Variants in KAZN observed in about 807,000 individuals in gnomAD.
KAZN encodes kazrin.
Under a neutral mutation model 87.4 loss-of-function variants are expected in KAZN, and 40 were observed. That is an observed-to-expected ratio of 0.46 (90% CI 0.36 to 0.60). KAZN has a LOEUF of 0.60. KAZN is among the 20% of genes least tolerant of loss of function. KAZN has a pLI of 0.00. For missense variants in KAZN, 898 were observed against 1,073.9 expected, an observed-to-expected ratio of 0.84 and a Z score of 2.29; for synonymous variants, 466 against 458.3, an observed-to-expected ratio of 1.02 and a Z score of -0.22.
intron 2 of KAZN, among the ~76,000 whole-genome samples, chr1:14,409,056 G>A (rs970689353): frequency 6.6e-6 from 1 of 152,180 alleles, no homozygotes; most frequent in Admixed American, 6.6e-5. Context: ...ATTCAAGAAA[G>A]ATAATGGTGT....
chr1:14,747,630 T>C (rs910302248), intron 1 of KAZN, among the ~76,000 whole-genome samples: 2 of 152,254 alleles, frequency 1.3e-5, no homozygotes, highest in African/African-American at 4.8e-5. Context: ...TTGCGTAGTT[T>C]CCACCTTTTG....
intron 1 of KAZN, among the ~76,000 whole-genome samples, chr1:14,788,280 A>G (rs573182931): frequency 4.6e-5 from 7 of 152,200 alleles, no homozygotes; most frequent in Non-Finnish European, 7.3e-5. Context: ...TCATTCGCTC[A>G]TCAAATTTCT....
At chr1:14,970,668 G>A (rs963525882) in intron 2 of KAZN, among the ~76,000 whole-genome samples, 4 of 152,106 alleles carry the variant, frequency 2.6e-5, no homozygotes, top group Non-Finnish European at 5.9e-5. Flanking sequence ...TGCCCTTTCC[G>A]GCGTCTGCTT....
intron 2 of KAZN, among the ~76,000 whole-genome samples, chr1:14,391,231 G>A (rs552264161): frequency 6.6e-6 from 1 of 152,278 alleles, no homozygotes; most frequent in Non-Finnish European, 1.5e-5. Flanking sequence ...TCCTCATTCT[G>A]CTGCTTCTTG....
intron 2 of KAZN, among the ~76,000 whole-genome samples, chr1:14,402,815 C>T (rs562440416): frequency 6.6e-6 from 1 of 151,966 alleles, no homozygotes; most frequent in African/African-American, 2.4e-5. Flanking sequence ...TCTCACAGAC[C>T]CAAATGGATA....
chr1:14,915,702 A>G (rs1302593040), intron 1 of KAZN, among the ~76,000 whole-genome samples: 1 of 152,226 alleles, frequency 6.6e-6, no homozygotes, highest in Non-Finnish European at 1.5e-5. Context: ...ATACCCCTCA[A>G]TTCTGACAGA....
At chr1:14,352,803 T>C (rs1427398966) in intron 2 of KAZN, among the ~76,000 whole-genome samples, 14 of 152,114 alleles carry the variant, frequency 9.2e-5, no homozygotes, top group Admixed American at 6.5e-5. Flanking sequence ...TACCAACATA[T>C]TAAAAAGGAT....
intron 1 of KAZN, among the ~76,000 whole-genome samples, chr1:14,802,208 C>A (rs1009282139): frequency 2.0e-5 from 3 of 151,982 alleles, no homozygotes; most frequent in Non-Finnish European, 2.9e-5. Flanking sequence ...GAGTTTGAGA[C>A]CACCATGGCC....
intron 7 of KAZN, among the ~76,000 whole-genome samples, chr1:15,064,273 A>ACC (rs1252346657): frequency 6.6e-6 from 1 of 152,056 alleles, no homozygotes; most frequent in Non-Finnish European, 1.5e-5. Context: ...TCTGCACACC[A>ACC]CCCATTCGCA....
intron 2 of KAZN, among the ~76,000 whole-genome samples, chr1:14,965,015 G>A (rs1274262684): frequency 1.3e-5 from 2 of 151,784 alleles, no homozygotes; most frequent in Non-Finnish European, 2.9e-5. Context: ...GATTGTTTAA[G>A]ACATATATAT....
chr1:14,714,643 G>T (rs1642683795), intron 1 of KAZN, among the ~76,000 whole-genome samples: 1 of 152,166 alleles, frequency 6.6e-6, no homozygotes, highest in African/African-American at 2.4e-5. Flanking sequence ...TAAGGAAGCT[G>T]CTGGACATAA....
At chr1:14,003,499 A>G (rs1416661397) in intron 1 of KAZN, among the ~76,000 whole-genome samples, 1 of 152,124 alleles carries the variant, frequency 6.6e-6, no homozygotes, top group Non-Finnish European at 1.5e-5. Flanking sequence ...ATTTAAAAAC[A>G]TAGTAATAAG....
chr1:14,079,153 G>A (rs930493551), intron 1 of KAZN, among the ~76,000 whole-genome samples: 4 of 152,226 alleles, frequency 2.6e-5, no homozygotes, highest in Admixed American at 6.5e-5. Context: ...AGGGCCTCAG[G>A]AAGCGTCAGC....
rs1460309782 is a variant in KAZN, at chr1:14,883,388, AAAGAAAGAAAGAAAGAAAGAAAGAAAG to A, written c.227-77293_227-77267del. ...GAAAGAAAGAAAGAAAGAAAGAAAGAAAGAAAGAAAGAAAGAAAGAAAGAAAGAAAGAAAGAAAAGCGGTTCTTGAGC... is the reference window on the plus strand; with the variant it reads ...GAAAGAAAGAAAGAAAGAAAGAAAGAAAAGAAAGAAAAGCGGTTCTTGAGC... On this transcript the variant is annotated intron_variant, in intron 1 of 14. Coordinates refer to ENST00000376030, the MANE Select transcript of KAZN (RefSeq NM_201628.3). Among the ~76,000 whole-genome samples the A allele has an allele frequency of 1.1e-4, 14 of 132,116 alleles. 2 individuals are homozygous for A. The highest frequency in any genetic ancestry group is 4.0e-4 in the African/African-American group (13 of 32,178). 86.7% of individuals were successfully genotyped at this position (132,116 alleles called of 152,430 possible). A position where few individuals can be genotyped will look rare whatever the true frequency, so the allele number is the denominator to read the frequency against.
intron 1 of KAZN, among the ~76,000 whole-genome samples, chr1:14,660,209 G>C (rs548742114): frequency 6.6e-6 from 1 of 152,116 alleles, no homozygotes; most frequent in African/African-American, 2.4e-5. Flanking sequence ...CAGATGCCTC[G>C]ATCTCCCCAT....
intron 2 of KAZN, among the ~76,000 whole-genome samples, chr1:14,508,290 C>G (rs1670712921): frequency 6.6e-6 from 1 of 152,282 alleles, no homozygotes; most frequent in African/African-American, 2.4e-5. Flanking sequence ...GTTCCCGAGA[C>G]AGCCAACCAG....
At chr1:14,028,085 C>T (rs758039556) in intron 1 of KAZN, among the ~76,000 whole-genome samples, 1 of 152,168 alleles carries the variant, frequency 6.6e-6, no homozygotes, top group Non-Finnish European at 1.5e-5. Context: ...GTGAGCCTTG[C>T]TAATCTTATT....
chr1:14,729,475 C>T (rs944492732), intron 1 of KAZN, among the ~76,000 whole-genome samples: 1 of 152,214 alleles, frequency 6.6e-6, no homozygotes, highest in East Asian at 1.9e-4. Flanking sequence ...TGTGAGATGT[C>T]GTATTAAGTC....
rs1666344274 is a variant in KAZN, at chr1:14,435,735, G to T, written c.250-163248G>T. Among the ~76,000 whole-genome samples the T allele has an allele frequency of 2.0e-5, 3 of 152,292 alleles. No individual in the cohort carries two copies. The South Asian group carries it at 6.2e-4, about 32-fold the overall frequency. On this transcript the variant is annotated intron_variant, in intron 2 of 16. Coordinates refer to the KAZN transcript ENST00000636203. ...CCGCAGCTACCTCATCTTAGAATGG[G>T]GATGATGACAGGGCCTAACGATATC...
Sources: allele counts gnomAD v4.1 joint callset (sites outside exome capture counted in the v4.1 genomes callset), GRCh38; gene constraint gnomAD v4.1.1; transcripts MANE v1.5; gene names NCBI Gene and HGNC (gene_info 2026-07-23, HGNC 2026-07-21).